Variants in KLF8 observed in about 807,000 individuals in gnomAD.
KLF8 encodes KLF transcription factor 8, also known as Krueppel-like factor 8.
Under a neutral mutation model 18.2 loss-of-function variants are expected in KLF8, and 10 were observed. The ratio of observed to expected loss-of-function variants is 0.55; its 90% confidence interval spans 0.34 to 0.93. The LOEUF (loss-of-function observed/expected upper bound fraction) is 0.93. Among genes scored for constraint, KLF8 ranks in the 40% least tolerant of loss-of-function variants. The probability of loss-of-function intolerance (pLI) is 0.02; values close to 1 mark genes in which losing one functional copy is unlikely to be tolerated. For missense variants in KLF8, 264 were observed against 277.9 expected (o/e 0.95, Z 0.36); for synonymous variants, 109 against 97.3 (o/e 1.12, Z -0.71).
At chrX:56,037,446 C>T in the KLF8 span, among the ~76,000 whole-genome samples, 2 of 110,997 alleles carry the variant, frequency 1.8e-5, no homozygotes, top group East Asian at 2.8e-4. Flanking sequence ...AGGAAGAATT[C>T]TCTGTGCTTC....
chrX:56,101,728 C>A, the KLF8 span, among the ~76,000 whole-genome samples: 1 of 111,959 alleles, frequency 8.9e-6, no homozygotes, highest in Non-Finnish European at 1.9e-5. Flanking sequence ...TCTTATGCTT[C>A]TTGGCTGATT....
chrX:56,188,448 A>G, the KLF8 span, among the ~76,000 whole-genome samples: 3 of 111,825 alleles, frequency 2.7e-5, no homozygotes, highest in South Asian at 7.5e-4. Flanking sequence ...ATATTGCCCA[A>G]GGTAATTTAT....
chrX:56,052,882 A>C, the KLF8 span, among the ~76,000 whole-genome samples: 1 of 111,064 alleles, frequency 9.0e-6, no homozygotes, highest in African/African-American at 3.3e-5. Flanking sequence ...GCGGCCTTGC[A>C]GTTTGATGTC....
the KLF8 span, among the ~76,000 whole-genome samples, chrX:56,017,483 C>A: frequency 8.9e-6 from 1 of 112,055 alleles, no homozygotes; most frequent in Non-Finnish European, 1.9e-5. Flanking sequence ...AACGGGGAAG[C>A]GCAATGGAGG....
the KLF8 span, among the ~76,000 whole-genome samples, chrX:55,935,827 A>C: frequency 8.9e-6 from 1 of 112,236 alleles, no homozygotes; most frequent in Non-Finnish European, 1.9e-5. Flanking sequence ...CAGTTATACT[A>C]TTTATACATA....
chrX:56,133,502 A>G, the KLF8 span, among the ~76,000 whole-genome samples: 2 of 111,865 alleles, frequency 1.8e-5, no homozygotes, highest in African/African-American at 6.5e-5. Flanking sequence ...ATCAGCATTC[A>G]AGGGACATGC....
Position 56,233,187 on chromosome X carries a change from G to A in KLF8, c.-148G>A. 1.5e-6 allele frequency: 1 copy of A among 661,784 alleles called. No homozygotes were observed. Among genetic ancestry groups the A allele is most frequent in the Non-Finnish European group, 2.4e-6 (1 of 419,482 alleles). 54.5% of individuals were successfully genotyped at this position (661,784 alleles called of 1,213,427 possible). A position where few individuals can be genotyped will look rare whatever the true frequency, so the allele number is the denominator to read the frequency against. ...GAGAAATAGGGGAGTGGGGGCCCAA[G>A]AACGAGAAGACGAGAACGCGTCGCC... On this transcript the variant is annotated 5_prime_UTR_variant, in exon 1 of 6. Transcript: ENST00000468660.
At chrX:56,041,855 A>G in the KLF8 span, among the ~76,000 whole-genome samples, 1 of 111,378 alleles carries the variant, frequency 9.0e-6, no homozygotes, top group African/African-American at 3.3e-5. Flanking sequence ...ACACTCAGCT[A>G]ACTTTTGTAT....
the KLF8 span, among the ~76,000 whole-genome samples, chrX:55,952,034 A>G: frequency 2.7e-5 from 3 of 112,288 alleles, no homozygotes; most frequent in Non-Finnish European, 5.6e-5. Context: ...ATCCATTTAT[A>G]TCAAGGACAT....
chrX:56,190,064 A>G, the KLF8 span, among the ~76,000 whole-genome samples: 1 of 110,847 alleles, frequency 9.0e-6, no homozygotes, highest in African/African-American at 3.3e-5. Context: ...ATCTGGACCT[A>G]GTGATTTGTT....
At chrX:56,060,232 A>G in the KLF8 span, among the ~76,000 whole-genome samples, 21 of 111,746 alleles carry the variant, frequency 1.9e-4, no homozygotes, top group South Asian at 7.9e-3. Context: ...GTTGAATCAG[A>G]GTGTAAGAGA....
chrX:56,079,115 TG>T, the KLF8 span, among the ~76,000 whole-genome samples: 1 of 111,365 alleles, frequency 9.0e-6, no homozygotes, highest in African/African-American at 3.3e-5. Context: ...ATTAATTTTT[TG>T]AAGGGTTTTT....
chrX:55,977,323 C>A, the KLF8 span, among the ~76,000 whole-genome samples: 2 of 111,981 alleles, frequency 1.8e-5, no homozygotes, highest in Admixed American at 9.5e-5. Context: ...GGAATGTATT[C>A]ATTTCTTCTT....
At chrX:56,017,481 A>G in the KLF8 span, among the ~76,000 whole-genome samples, 1 of 112,226 alleles carries the variant, frequency 8.9e-6, no homozygotes, top group South Asian at 3.7e-4. Context: ...AGAACGGGGA[A>G]GCGCAATGGA....
the KLF8 span, among the ~76,000 whole-genome samples, chrX:56,091,131 A>G: frequency 9.0e-6 from 1 of 111,108 alleles, no homozygotes; most frequent in African/African-American, 3.3e-5. Flanking sequence ...TTTAATCCCC[A>G]TAAACCCCAC....
chrX:56,176,323 G>T, the KLF8 span, among the ~76,000 whole-genome samples: 1 of 111,602 alleles, frequency 9.0e-6, no homozygotes, highest in Non-Finnish European at 1.9e-5. Context: ...TTCAGCATTT[G>T]CTTGTCTGTA....
chrX:56,077,427 C>G, the KLF8 span, among the ~76,000 whole-genome samples: 22 of 111,661 alleles, frequency 2.0e-4, no homozygotes, highest in African/African-American at 5.5e-4. Flanking sequence ...GTTTTTCTCA[C>G]GTTTGTCAAA....
the KLF8 span, among the ~76,000 whole-genome samples, chrX:55,925,915 G>T: frequency 8.9e-6 from 1 of 111,909 alleles, no homozygotes; most frequent in Non-Finnish European, 1.9e-5. Context: ...TGGGGTACAT[G>T]AGATATTTTG....
chrX:56,135,251 C>A, the KLF8 span, among the ~76,000 whole-genome samples: 483 of 111,430 alleles, frequency 4.3e-3, 5 homozygotes, highest in African/African-American at 0.015. Context: ...CACATGCACA[C>A]GTATGTTTAT....
Sources: gnomAD v4.1 joint callset for allele counts (sites outside exome capture counted in the v4.1 genomes callset) on GRCh38, gnomAD v4.1.1 for gene constraint, MANE v1.5 for transcripts, NCBI Gene and HGNC (gene_info 2026-07-23, HGNC 2026-07-21) for gene names.